NR1H4: variants seen among roughly 807,000 people sequenced by gnomAD.
NR1H4 encodes bile acid receptor.
Under a neutral mutation model 58.5 loss-of-function variants are expected in NR1H4, and 23 were observed. That is an observed-to-expected ratio of 0.39 (90% CI 0.28 to 0.56). The LOEUF (loss-of-function observed/expected upper bound fraction) is 0.56, where lower values mean the gene tolerates loss of function less well. Among genes scored for constraint, NR1H4 ranks in the 20% least tolerant of loss-of-function variants. The pLI is 0.58. For synonymous variants in NR1H4, 214 were observed against 198.0 expected (o/e 1.08, Z -0.68); for missense variants, 487 against 576.9 (o/e 0.84, Z 1.60).
chr12:100,512,734 T>G (rs1954154337), intron 4 of NR1H4, among the ~76,000 whole-genome samples: 1 of 152,198 alleles, frequency 6.6e-6, no homozygotes, highest in African/African-American at 2.4e-5. Context: ...ACAAATATTT[T>G]GGGAACACCT....
intron 3 of NR1H4, chr12:100,505,721 T>G: frequency 1.6e-6 from 1 of 635,024 alleles, no homozygotes; most frequent in Non-Finnish European, 2.8e-6. Flanking sequence ...AAATCTAAAT[T>G]TTAATATGTA....
chr12:100,518,359 AAGT>A (rs1378682620), intron 4 of NR1H4, among the ~76,000 whole-genome samples: 1 of 152,226 alleles, frequency 6.6e-6, no homozygotes, highest in African/African-American at 2.4e-5. Context: ...GAGATGGAGA[AAGT>A]AGTCAGAAGA....
intron 4 of NR1H4, among the ~76,000 whole-genome samples, chr12:100,518,295 T>C (rs1180912623): frequency 9.9e-5 from 15 of 151,916 alleles, no homozygotes; most frequent in Admixed American, 9.8e-4. Flanking sequence ...GGATATAGAA[T>C]AGAAGTAATC....
intron 1 of NR1H4, among the ~76,000 whole-genome samples, chr12:100,482,684 T>C (rs1953406458): frequency 1.3e-5 from 2 of 152,170 alleles, no homozygotes; most frequent in Admixed American, 6.5e-5. Context: ...TCCTGGAGTT[T>C]GTGCTAATCA....
At chr12:100,507,217 G>C (rs1434792615) in intron 3 of NR1H4, among the ~76,000 whole-genome samples, 1 of 152,154 alleles carries the variant, frequency 6.6e-6, no homozygotes, top group African/African-American at 2.4e-5. Flanking sequence ...TAAAATCTAA[G>C]TGTACGTGAA....
intron 3 of NR1H4, among the ~76,000 whole-genome samples, chr12:100,501,566 A>G (rs908385989): frequency 1.3e-5 from 2 of 152,194 alleles, no homozygotes; most frequent in Admixed American, 1.3e-4. Context: ...GTTTAAAAAT[A>G]GGCTTAAAGA....
intron 4 of NR1H4, among the ~76,000 whole-genome samples, chr12:100,522,088 T>A (rs1449397867): frequency 6.8e-6 from 1 of 147,824 alleles, no homozygotes; most frequent in East Asian, 2.2e-4. Flanking sequence ...AGGACAACAA[T>A]GAAGATGAGA....
rs201290699 is a variant in NR1H4 at position 100,536,475 on chromosome 12, A to G, written c.733-37A>G. The stretch of plus-strand genomic sequence containing the variant: ...CATATAGAAAGAAGGCTTTATACAC[A>G]TCTTCCCTAACACCTTTTATTTTCT... On this transcript the variant is annotated intron_variant, in intron 6 of 10. Transcript: ENST00000392986. 5.7e-6 allele frequency: 7 copies of G among 1,223,664 alleles called. No individual in the cohort carries two copies. In the African/African-American group the frequency reaches 5.9e-5, roughly 10 times the overall value. The allele number at this position is 1,223,664 out of a possible 1,614,324, so 75.8% of individuals were successfully genotyped here.
At chr12:100,562,572 T>C (rs192938169) in intron 10 of NR1H4, among the ~76,000 whole-genome samples, 15 of 152,322 alleles carry the variant, frequency 9.8e-5, no homozygotes, top group Admixed American at 9.1e-4. Flanking sequence ...AGTTGTAATA[T>C]GTGCTACATA....
intron 3 of NR1H4, chr12:100,503,304 G>A: frequency 6.7e-7 from 1 of 1,498,742 alleles, no homozygotes; most frequent in Non-Finnish European, 8.9e-7. Context: ...GCTCCGTAAT[G>A]AAGTTAATCA....
intron 1 of NR1H4, among the ~76,000 whole-genome samples, chr12:100,482,933 A>T (rs1247615015): frequency 1.3e-5 from 2 of 151,838 alleles, no homozygotes; most frequent in African/African-American, 4.8e-5. Flanking sequence ...TTTATTATTT[A>T]TTTATTTATT....
chr12:100,542,204 G>T (rs1166265540), intron 9 of NR1H4, among the ~76,000 whole-genome samples: 1 of 152,034 alleles, frequency 6.6e-6, no homozygotes, highest in Non-Finnish European at 1.5e-5. Context: ...AAAATTAGCT[G>T]GGCATGGTAG....
chr12:100,481,724 C>T (rs1953385593), intron 1 of NR1H4, among the ~76,000 whole-genome samples: 1 of 151,892 alleles, frequency 6.6e-6, no homozygotes, highest in African/African-American at 2.4e-5. Context: ...ACCATCCTGG[C>T]TAACACGGTG....
chr12:100,562,709 C>T (rs1487730714), intron 10 of NR1H4, among the ~76,000 whole-genome samples: 1 of 151,790 alleles, frequency 6.6e-6, no homozygotes, highest in Non-Finnish European at 1.5e-5. Flanking sequence ...TGAAATGATA[C>T]CTCTTTCCAT....
At chr12:100,500,350 G>T (rs527339610) in intron 3 of NR1H4, among the ~76,000 whole-genome samples, 1 of 152,108 alleles carries the variant, frequency 6.6e-6, no homozygotes, top group Non-Finnish European at 1.5e-5. Flanking sequence ...CCCACTCAGC[G>T]TGAGAGGTAC....
chr12:100,562,082 CAT>C (rs1238265237), intron 10 of NR1H4, 84 bp downstream of exon 10: 40 of 727,842 alleles, frequency 5.5e-5, no homozygotes, highest in South Asian at 4.7e-5. Context: ...ATCTGGAAAA[CAT>C]AGAAATATAA....
chr12:100,543,211 A>G (rs1954978412), intron 9 of NR1H4, among the ~76,000 whole-genome samples: 1 of 152,124 alleles, frequency 6.6e-6, no homozygotes, highest in Non-Finnish European at 1.5e-5. Flanking sequence ...AGCTGACTGA[A>G]TTGAGGGTTA....
At chr12:100,531,425 A>T (rs1223973827) in intron 4 of NR1H4, among the ~76,000 whole-genome samples, 1 of 152,182 alleles carries the variant, frequency 6.6e-6, no homozygotes, top group Non-Finnish European at 1.5e-5. Context: ...ACTGCACTCC[A>T]GCCTGGGCGA....
chr12:100,502,791 G>A (rs567938208), intron 3 of NR1H4, among the ~76,000 whole-genome samples: 1 of 152,246 alleles, frequency 6.6e-6, no homozygotes, highest in East Asian at 1.9e-4. Flanking sequence ...ATGGTGGTAG[G>A]CATGTCTTAC....
Sources: gnomAD v4.1 joint callset for allele counts (sites outside exome capture counted in the v4.1 genomes callset) on GRCh38, gnomAD v4.1.1 for gene constraint, MANE v1.5 for transcripts, NCBI Gene and HGNC (gene_info 2026-07-23, HGNC 2026-07-21) for gene names.